TENM4: variants seen among roughly 807,000 people sequenced by gnomAD.
TENM4 encodes the protein teneurin-4.
In TENM4, 82 loss-of-function variants were observed where a neutral mutation model predicts 243.3. That is an observed-to-expected ratio of 0.34 (90% CI 0.28 to 0.40). The LOEUF (loss-of-function observed/expected upper bound fraction) is 0.40. Among genes scored for constraint, TENM4 ranks in the 10% least tolerant of loss-of-function variants. The pLI is 1.00. For synonymous variants in TENM4, 1,412 were observed against 1,456.3 expected, an observed-to-expected ratio of 0.97 and a Z score of 0.69; for missense variants, 3,138 against 3,673.3, an observed-to-expected ratio of 0.85 and a Z score of 3.77.
chr11:79,068,683 C>T (rs1591258237), intron 5 of TENM4, among the ~76,000 whole-genome samples: 1 of 152,130 alleles, frequency 6.6e-6, no homozygotes, highest in African/African-American at 2.4e-5. Context: ...CACAAATTGT[C>T]AGGCATTGGT....
chr11:79,158,953 C>T (rs1225677600), intron 3 of TENM4, among the ~76,000 whole-genome samples: 2 of 152,176 alleles, frequency 1.3e-5, no homozygotes, highest in Non-Finnish European at 2.9e-5. Flanking sequence ...ATATGGTAGA[C>T]ATGGTCAGTG....
intron 1 of TENM4, among the ~76,000 whole-genome samples, chr11:79,368,365 C>T (rs929505485): frequency 6.6e-6 from 1 of 152,264 alleles, no homozygotes; most frequent in African/African-American, 2.4e-5. Context: ...CTCTGAGCTT[C>T]AGTGTCCACC....
At chr11:78,826,491 T>A (rs1450405282) in intron 12 of TENM4, among the ~76,000 whole-genome samples, 12 of 152,130 alleles carry the variant, frequency 7.9e-5, no homozygotes, top group Admixed American at 7.2e-4. Context: ...TGGCTTGGAC[T>A]GTACCTGGAA....
chr11:79,266,149 A>G (rs753334639), intron 2 of TENM4, among the ~76,000 whole-genome samples: 26 of 152,226 alleles, frequency 1.7e-4, no homozygotes, highest in African/African-American at 2.4e-5. Context: ...TACTGAGTGC[A>G]GGGCTGATCT....
At chr11:78,677,790 T>C (rs1368819741) in intron 29 of TENM4, among the ~76,000 whole-genome samples, 5 of 151,606 alleles carry the variant, frequency 3.3e-5, no homozygotes, top group South Asian at 2.1e-4. Flanking sequence ...TTTTTTATTA[T>C]ACTCTAAGTT....
At chr11:79,182,661 CA>C (rs1416108174) in intron 3 of TENM4, among the ~76,000 whole-genome samples, 1 of 151,980 alleles carries the variant, frequency 6.6e-6, no homozygotes, top group African/African-American at 2.4e-5. Context: ...AAAATATTTG[CA>C]AAAGACTATC....
At chr11:78,673,639 A>G (rs973694709) in intron 30 of TENM4, among the ~76,000 whole-genome samples, 6 of 152,234 alleles carry the variant, frequency 3.9e-5, no homozygotes, top group Admixed American at 1.3e-4. Flanking sequence ...CTGTATAACA[A>G]GAGTTGTTGT....
chr11:79,236,220 G>A (rs76372067), intron 2 of TENM4, among the ~76,000 whole-genome samples: 4,110 of 152,146 alleles, frequency 0.027, 216 homozygotes, highest in African/African-American at 0.094. Context: ...AGATTTCCAC[G>A]TCTCAGTCCT....
At chr11:78,692,375 A>G (rs546307124) in intron 28 of TENM4, among the ~76,000 whole-genome samples, 1 of 152,294 alleles carries the variant, frequency 6.6e-6, no homozygotes, top group South Asian at 2.1e-4. Context: ...CACAAATGAT[A>G]CAATTTCAGG....
chr11:79,173,307 T>C (rs986010294), intron 3 of TENM4, among the ~76,000 whole-genome samples: 4 of 152,174 alleles, frequency 2.6e-5, no homozygotes, highest in African/African-American at 9.7e-5. Context: ...TTGTGAGCCA[T>C]CTTGCCCCTT....
chr11:78,942,259 CAAAAAAAAAAAAAAAAAAAAAAAAA>C (rs56973257), intron 6 of TENM4, among the ~76,000 whole-genome samples: 21 of 11,196 alleles, frequency 1.9e-3, no homozygotes, highest in Non-Finnish European at 1.3e-3. Context: ...CAAAATACAC[CAAAAAAAAAAAAAAAAAAAAAAAAA>C]AAAAAAAAAA....
intron 2 of TENM4, among the ~76,000 whole-genome samples, chr11:79,228,444 G>C (rs1239595098): frequency 6.6e-6 from 1 of 152,144 alleles, no homozygotes; most frequent in Non-Finnish European, 1.5e-5. Context: ...CACCTCCCGG[G>C]AAACCTCTCT....
At chr11:79,051,524 T>A (rs1397886292) in intron 6 of TENM4, among the ~76,000 whole-genome samples, 1 of 152,164 alleles carries the variant, frequency 6.6e-6, no homozygotes, top group African/African-American at 2.4e-5. Context: ...CTCCATCAGG[T>A]AATATGACTA....
chr11:78,694,319 T>C (rs1336912071), intron 28 of TENM4, among the ~76,000 whole-genome samples: 14 of 152,218 alleles, frequency 9.2e-5, no homozygotes, highest in Admixed American at 6.5e-4. Flanking sequence ...TTATGGTTCC[T>C]GGCCCAGGCA....
At chr11:79,393,464 G>C (rs1051636017) in intron 1 of TENM4, among the ~76,000 whole-genome samples, 5 of 152,224 alleles carry the variant, frequency 3.3e-5, no homozygotes, top group Non-Finnish European at 2.9e-5. Context: ...TCAGTCCTCA[G>C]TGGCTGTCAG....
At chr11:78,943,519 C>T (rs1014714038) in intron 6 of TENM4, among the ~76,000 whole-genome samples, 1 of 152,134 alleles carries the variant, frequency 6.6e-6, no homozygotes, top group African/African-American at 2.4e-5. Flanking sequence ...CTCTGCTTCA[C>T]CAGGAGAAAT....
In TENM4 at chr11:78,732,349, A is replaced by G. The variant is rs754316911; in HGVS notation, c.3105T>C (p.Cys1035=). 2.5e-6 allele frequency: 4 copies of G among 1,613,304 alleles called. No homozygotes were observed. Among genetic ancestry groups the G allele is most frequent in the Non-Finnish European group, 3.4e-6 (4 of 1,179,352 alleles). The change falls in exon 21 of 34, where the codon TGT becomes TGC. Residue 1035 remains cysteine, a synonymous_variant. Coordinates refer to ENST00000278550, the MANE Select transcript of TENM4 (RefSeq NM_001098816.3). ...CCGGCACAATGGGGCCTTTCTCTGC[A>G]CAGGAGCTGGCGAAGGACGTCAGTG... is the stretch of plus-strand genomic sequence containing the variant. ...PSPLTSFASS[C]AEKGPIVPEI...
intron 22 of TENM4, among the ~76,000 whole-genome samples, chr11:78,727,748 A>T (rs896508241): frequency 6.6e-6 from 1 of 152,178 alleles, no homozygotes; most frequent in Non-Finnish European, 1.5e-5. Context: ...GGTGTGTAAA[A>T]AGTCCTGTAA....
At chr11:79,160,858 G>C (rs1033462334) in intron 3 of TENM4, among the ~76,000 whole-genome samples, 1 of 152,116 alleles carries the variant, frequency 6.6e-6, no homozygotes. Flanking sequence ...CTCAGCCAAA[G>C]ACTAGATTTC....
Sources: allele counts gnomAD v4.1 joint callset (sites outside exome capture counted in the v4.1 genomes callset), GRCh38; gene constraint gnomAD v4.1.1; transcripts MANE v1.5; gene names NCBI Gene and HGNC (gene_info 2026-07-23, HGNC 2026-07-21).